The following SH3RF3 variants were observed in gnomAD, a reference collection of about 807,000 sequenced individuals.
The protein encoded by SH3RF3 is SH3 domain containing ring finger 3.
Under a neutral mutation model 66.3 loss-of-function variants are expected in SH3RF3, and 29 were observed. The observed-to-expected ratio is 0.44, with a 90% CI of 0.33 to 0.60. The LOEUF is 0.60. Among genes scored for constraint, SH3RF3 ranks in the 20% least tolerant of loss-of-function variants. The probability of loss-of-function intolerance (pLI) is 0.04; values close to 1 mark genes in which losing one functional copy is unlikely to be tolerated. For missense variants in SH3RF3, 1,194 were observed against 1,190.9 expected (o/e 1.00, Z -0.04); for synonymous variants, 583 against 532.0 (o/e 1.10, Z -1.32).
chr2:109,322,560 G>A (rs1673901544), intron 1 of SH3RF3, among the ~76,000 whole-genome samples: 1 of 152,232 alleles, frequency 6.6e-6, no homozygotes, highest in African/African-American at 2.4e-5. Context: ...AGTGTGCACT[G>A]ATTTTGAGAG....
intron 1 of SH3RF3, among the ~76,000 whole-genome samples, chr2:109,250,359 T>C (rs1403878125): frequency 2.6e-5 from 4 of 152,286 alleles, no homozygotes; most frequent in Non-Finnish European, 5.9e-5. Context: ...CTCCATCAGC[T>C]CTGAATTCAC....
In SH3RF3 at chr2:109,490,882, C is replaced by G; in HGVS notation, c.2426C>G (p.Ala809Gly). ...DLNFTSPSRQ[A>G]PLSMAAIRPE... ...AACTTCACATCTCCTTCCCGGCAAG[C>G]TCCGCTGTCCATGGCTGCCATCCGC... The change falls in exon 9 of 10, where the codon GCT becomes GGT. Residue 809 changes from alanine (A) to glycine (G), a missense_variant. Transcript: ENST00000309415. 1 of 1,531,240 alleles carries G rather than the reference C, an allele frequency of 6.5e-7. No individual in the cohort carries two copies. The allele number at this position is 1,531,240 out of a possible 1,614,324, so 94.9% of individuals were successfully genotyped here. A position where few individuals can be genotyped will look rare whatever the true frequency, so the allele number is the denominator to read the frequency against.
intron 1 of SH3RF3, among the ~76,000 whole-genome samples, chr2:109,142,043 T>TGGG (rs5833316): frequency 2.1e-5 from 3 of 145,804 alleles, no homozygotes; most frequent in South Asian, 2.3e-4. Context: ...TTGAGTCTCC[T>TGGG]GGGGGGGGGG....
At chr2:109,360,884 T>G (rs960511544) in intron 2 of SH3RF3, among the ~76,000 whole-genome samples, 3 of 152,234 alleles carry the variant, frequency 2.0e-5, no homozygotes, top group Non-Finnish European at 1.5e-5. Flanking sequence ...AGTACATTCT[T>G]GCCTTGTCCT....
chr2:109,412,842 C>T (rs6745464), intron 4 of SH3RF3, among the ~76,000 whole-genome samples: 81,937 of 152,176 alleles, frequency 0.54, 22,353 homozygotes, highest in South Asian at 0.64. Context: ...TTCCTGACTT[C>T]TTGCCATGAA....
chr2:109,205,058 T>G (rs964206588), intron 1 of SH3RF3, among the ~76,000 whole-genome samples: 5 of 152,006 alleles, frequency 3.3e-5, no homozygotes, highest in African/African-American at 1.2e-4. Flanking sequence ...ACTAAAAATA[T>G]TAACTGGGCA....
chr2:109,347,030 G>A (rs373458451), intron 1 of SH3RF3, among the ~76,000 whole-genome samples: 4 of 152,120 alleles, frequency 2.6e-5, no homozygotes, highest in African/African-American at 2.4e-5. Context: ...TGTGTGTACC[G>A]CTGGCCATGA....
chr2:109,496,410 C>T (rs184021510), intron 9 of SH3RF3, among the ~76,000 whole-genome samples: 146 of 152,314 alleles, frequency 9.6e-4, no homozygotes, highest in African/African-American at 3.4e-3. Context: ...TTTTACAATC[C>T]TCTCATAAGA....
At chr2:109,189,645 C>T (rs1320039588) in intron 1 of SH3RF3, among the ~76,000 whole-genome samples, 1 of 152,094 alleles carries the variant, frequency 6.6e-6, no homozygotes, top group Non-Finnish European at 1.5e-5. Context: ...TCCATATTCT[C>T]TGTTTTAAAA....
At chr2:109,158,247 C>T (rs1014749894) in intron 1 of SH3RF3, among the ~76,000 whole-genome samples, 3 of 152,168 alleles carry the variant, frequency 2.0e-5, no homozygotes, top group Non-Finnish European at 4.4e-5. Flanking sequence ...GGATGACTGA[C>T]AGGAAGTCCA....
At chr2:109,434,954 C>T (rs538873809) in intron 6 of SH3RF3, among the ~76,000 whole-genome samples, 1 of 152,334 alleles carries the variant, frequency 6.6e-6, no homozygotes, top group South Asian at 2.1e-4. Flanking sequence ...CCTCCAGCTC[C>T]TGACACTGGA....
At chr2:109,283,981 G>T (rs1417726150) in intron 1 of SH3RF3, among the ~76,000 whole-genome samples, 2 of 152,154 alleles carry the variant, frequency 1.3e-5, no homozygotes, top group African/African-American at 4.8e-5. Flanking sequence ...TCTGCCCGTG[G>T]GTGTTTTTCC....
At chr2:109,436,678 C>T (rs555938031) in intron 6 of SH3RF3, among the ~76,000 whole-genome samples, 96 of 152,380 alleles carry the variant, frequency 6.3e-4, no homozygotes, top group African/African-American at 2.3e-3. Flanking sequence ...TTTGCTATCT[C>T]TTAAATATTT....
chr2:109,216,418 C>T (rs1266576414), intron 1 of SH3RF3, among the ~76,000 whole-genome samples: 1 of 152,218 alleles, frequency 6.6e-6, no homozygotes, highest in East Asian at 1.9e-4. Flanking sequence ...ATCCACTTTG[C>T]AGAGGAGGAA....
intron 1 of SH3RF3, among the ~76,000 whole-genome samples, chr2:109,344,307 A>G (rs568050206): frequency 6.6e-6 from 1 of 152,302 alleles, no homozygotes; most frequent in East Asian, 1.9e-4. Flanking sequence ...TTAGGAGGGC[A>G]CAGGTGGTGA....
intron 1 of SH3RF3, among the ~76,000 whole-genome samples, chr2:109,323,494 A>C (rs1335735559): frequency 6.6e-6 from 1 of 152,202 alleles, no homozygotes; most frequent in Non-Finnish European, 1.5e-5. Context: ...TCTGTTAGTG[A>C]TTGGTAGCAT....
At chr2:109,334,381 TA>T (rs67450565) in intron 1 of SH3RF3, among the ~76,000 whole-genome samples, 38,714 of 144,056 alleles carry the variant, frequency 0.27, 6,730 homozygotes, top group African/African-American at 0.5. Context: ...AAAAAAATCT[TA>T]AAAAAAAATA....
chr2:109,194,736 C>T (rs1383496148), intron 1 of SH3RF3, among the ~76,000 whole-genome samples: 1 of 152,174 alleles, frequency 6.6e-6, no homozygotes, highest in East Asian at 1.9e-4. Flanking sequence ...CCCTGCAGGC[C>T]GGGGATGCTT....
chr2:109,499,678 C>G (rs1486936033), intron 9 of SH3RF3, among the ~76,000 whole-genome samples: 1 of 152,216 alleles, frequency 6.6e-6, no homozygotes, highest in Non-Finnish European at 1.5e-5. Flanking sequence ...GAAGGCTCTC[C>G]TGGGGCCACC....
Sources: gnomAD v4.1 joint callset for allele counts (sites outside exome capture counted in the v4.1 genomes callset) on GRCh38, gnomAD v4.1.1 for gene constraint, MANE v1.5 for transcripts, NCBI Gene and HGNC (gene_info 2026-07-23, HGNC 2026-07-21) for gene names.